NRG2: variants seen among roughly 807,000 people sequenced by gnomAD.
The protein encoded by NRG2 is pro-neuregulin-2, membrane-bound isoform.
Under a neutral mutation model 73.9 loss-of-function variants are expected in NRG2, and 27 were observed. The ratio of observed to expected loss-of-function variants is 0.37; its 90% CI spans 0.27 to 0.50. NRG2 has a LOEUF of 0.50. Ranked by LOEUF, NRG2 falls within the 20% of genes least tolerant of loss-of-function variation. NRG2 has a pLI of 0.96. For synonymous variants in NRG2, 532 were observed against 541.0 expected (o/e 0.98, Z 0.23); for missense variants, 1,126 against 1,210.1 (o/e 0.93, Z 1.03).
chr5:140,030,045 T>C (rs185727370), intron 1 of NRG2, among the ~76,000 whole-genome samples: 19 of 152,246 alleles, frequency 1.2e-4, no homozygotes, highest in African/African-American at 4.6e-4. Context: ...GAAAGTAATC[T>C]TTGAACCCTA....
At chr5:139,920,721 A>C (rs1369236595) in intron 1 of NRG2, among the ~76,000 whole-genome samples, 1 of 152,168 alleles carries the variant, frequency 6.6e-6, no homozygotes, top group African/African-American at 2.4e-5. Flanking sequence ...TCTGGAGTGG[A>C]GACTGAGGGT....
chr5:140,008,695 T>C lies in NRG2; in HGVS notation c.700+33675A>G, dbSNP rs1759110447. ...CCTAGAATATAAGAGAATGCTTATT[T>C]ATCCCTCTCAGTCGGGGAGAAATAA... On this transcript the variant is annotated intron_variant, in intron 1 of 9. Transcript: ENST00000361474. The surrounding 1 kb of genome is among the most constrained non-coding windows in gnomAD (Gnocchi z 4.2). Among the ~76,000 whole-genome samples the C allele has an allele frequency of 6.6e-6, 1 of 152,234 alleles. No individual in the cohort carries two copies. Among genetic ancestry groups the C allele is most frequent in the African/African-American group, 2.4e-5 (1 of 41,456 alleles).
At chr5:139,889,681 T>C (rs1425413725) in intron 1 of NRG2, among the ~76,000 whole-genome samples, 3 of 152,104 alleles carry the variant, frequency 2.0e-5, no homozygotes, top group African/African-American at 4.8e-5. Context: ...CAAAAGAACA[T>C]CCTTGCAGCT....
In NRG2 at chr5:140,042,582, A is replaced by AAAGGGTGG. The variant is rs1762018294; in HGVS notation, c.487_488insCCACCCTT (p.Val163AlafsTer20). The AAAGGGTGG allele has an allele frequency of 6.2e-7, 1 of 1,611,960 alleles. No homozygotes were observed. The highest frequency in any genetic ancestry group is 8.5e-7 in the Non-Finnish European group (1 of 1,179,556). ...GCTCCGGAGCGGCCACTTGTCCAGC[A>AAAGGGTGG]CCTTTACCAACGCCACCCGACCCGA... On this transcript the variant is annotated frameshift_variant, in exon 1 of 10. Transcript: ENST00000361474. LOFTEE classifies it high-confidence loss of function.
intron 1 of NRG2, among the ~76,000 whole-genome samples, chr5:139,991,898 A>G (rs1164365919): frequency 6.6e-6 from 1 of 152,160 alleles, no homozygotes; most frequent in Non-Finnish European, 1.5e-5. Context: ...TTTCTAATAT[A>G]TTTTATTGGT....
At chr5:140,025,044 T>C (rs1222519155) in intron 1 of NRG2, among the ~76,000 whole-genome samples, 1 of 152,088 alleles carries the variant, frequency 6.6e-6, no homozygotes, top group Non-Finnish European at 1.5e-5. Context: ...CAGAAAGCAG[T>C]GGACTGAGGC....
chr5:139,906,668 C>T (rs187932008), intron 1 of NRG2, among the ~76,000 whole-genome samples: 8 of 152,256 alleles, frequency 5.3e-5, no homozygotes, highest in Admixed American at 1.3e-4. Context: ...GCCCTCCTTA[C>T]GTAAAGGCTG....
chr5:139,993,780 A>C (rs1434611119), intron 1 of NRG2, among the ~76,000 whole-genome samples: 2 of 42,994 alleles, frequency 4.7e-5, no homozygotes, highest in East Asian at 6.3e-4. Flanking sequence ...AGATATTCAA[A>C]CTATGTTACG....
intron 9 of NRG2, 73 bp from the exon 10 acceptor site, chr5:139,848,770 G>GC: frequency 1.3e-5 from 2 of 159,414 alleles, no homozygotes; most frequent in Admixed American, 8.5e-5. Context: ...TGGGGGTGGG[G>GC]TAGGGTGGGA....
intron 1 of NRG2, among the ~76,000 whole-genome samples, chr5:139,924,620 T>G (rs1751917308): frequency 6.6e-6 from 1 of 152,246 alleles, no homozygotes; most frequent in Non-Finnish European, 1.5e-5. Context: ...TTCATTAATA[T>G]AAACCCTCTT....
At chr5:139,976,127 G>T (rs1010571254) in intron 1 of NRG2, among the ~76,000 whole-genome samples, 1 of 152,174 alleles carries the variant, frequency 6.6e-6, no homozygotes, top group Non-Finnish European at 1.5e-5. Context: ...TAAGAGGCAG[G>T]CTGGGTCTAT....
At position 139,954,058 on chromosome 5, in the gene NRG2, G is replaced by C. The variant is rs917192102; in HGVS notation, c.701-66547C>G. 2.6e-5 allele frequency among the ~76,000 whole-genome samples: 4 copies of C among 152,146 alleles called. No individual in the cohort carries two copies. The highest frequency in any genetic ancestry group is 9.7e-5 in the African/African-American group (4 of 41,438). On this transcript the variant is annotated intron_variant, in intron 1 of 9. Transcript: ENST00000361474. This position sits in a 1 kb window ranked among gnomAD's most constrained non-coding sequence, Gnocchi z 5.0. ...CACTGGGAGGCAAGGGGCAGGGTGTGGGGGTGGCTGGAAGCTGAAAAAAAG... is the reference window on the plus strand; with the variant it reads ...CACTGGGAGGCAAGGGGCAGGGTGTCGGGGTGGCTGGAAGCTGAAAAAAAG...
intron 1 of NRG2, among the ~76,000 whole-genome samples, chr5:140,024,103 A>G (rs751210247): frequency 6.6e-6 from 1 of 152,080 alleles, no homozygotes; most frequent in Non-Finnish European, 1.5e-5. Context: ...CCCTCCCCCA[A>G]GACTCCTGAG....
chr5:140,018,428 G>A (rs187997653), intron 1 of NRG2, among the ~76,000 whole-genome samples: 7 of 152,298 alleles, frequency 4.6e-5, no homozygotes, highest in Non-Finnish European at 1.0e-4. Context: ...TTTAGAAGAG[G>A]AAAACGGAGG....
intron 1 of NRG2, among the ~76,000 whole-genome samples, chr5:139,927,159 T>C (rs1425785495): frequency 6.6e-6 from 1 of 152,200 alleles, no homozygotes; most frequent in Non-Finnish European, 1.5e-5. Flanking sequence ...CATACAGTCC[T>C]GCTCTAAGAG....
In NRG2 at chr5:139,917,254, T is replaced by A. The variant is rs73271463; in HGVS notation, c.701-29743A>T. On this transcript the variant is annotated intron_variant, in intron 1 of 9. Coordinates refer to ENST00000361474, the MANE Select transcript of NRG2 (RefSeq NM_004883.3). ...ATTACTTTATTGTCATTTTGTTTCA[T>A]TTTTTTTGTTTTTTTGAGACAAGGT... Among the ~76,000 whole-genome samples, 843 of 152,086 alleles carry A rather than the reference T, an allele frequency of 5.5e-3. 12 individuals are homozygous for A. The highest frequency in any genetic ancestry group is 0.016 in the African/African-American group (674 of 41,462).
rs944065468 is a variant in NRG2 at position 139,847,157 on chromosome 5, C to T, written c.*760G>A. ...TAAAATAGAAAAGACGACCTGTAAA[C>T]GAAGGTGCTGCAGAGGACGGAGGGG... On this transcript the variant is annotated 3_prime_UTR_variant, in exon 10 of 10. Coordinates refer to ENST00000361474, the MANE Select transcript of NRG2 (RefSeq NM_004883.3). 1.3e-5 allele frequency: 2 copies of T among 152,188 alleles called. No homozygotes were observed. The highest frequency in any genetic ancestry group is 2.9e-5 in the Non-Finnish European group (2 of 68,064). 9.4% of individuals were successfully genotyped at this position (152,188 alleles called of 1,614,324 possible).
At chr5:139,977,722 C>T (rs1190020486) in intron 1 of NRG2, among the ~76,000 whole-genome samples, 4 of 152,210 alleles carry the variant, frequency 2.6e-5, no homozygotes, top group Non-Finnish European at 2.9e-5. Flanking sequence ...ACCAAAACAG[C>T]ATGGTACTGG....
chr5:139,966,793 G>GA (rs1000311128), intron 1 of NRG2, among the ~76,000 whole-genome samples: 1 of 152,136 alleles, frequency 6.6e-6, no homozygotes, highest in African/African-American at 2.4e-5. Context: ...GCTACAAACA[G>GA]AAAGGTAAAA....
Sources: allele counts gnomAD v4.1 joint callset (sites outside exome capture counted in the v4.1 genomes callset), GRCh38; gene constraint gnomAD v4.1.1; non-coding constraint Gnocchi (gnomAD v3.1); transcripts MANE v1.5; gene names NCBI Gene and HGNC (gene_info 2026-07-23, HGNC 2026-07-21).